Variants in FLRT3 observed in about 807,000 individuals in gnomAD.
FLRT3 encodes fibronectin leucine rich transmembrane protein 3.
FLRT3 carries 17 observed loss-of-function variants against 42.6 expected under a neutral mutation model. The ratio of observed to expected loss-of-function variants is 0.40; its 90% confidence interval spans 0.27 to 0.60. The LOEUF (loss-of-function observed/expected upper bound fraction) is 0.60. Among genes scored for constraint, FLRT3 ranks in the 20% least tolerant of loss-of-function variants. FLRT3 has a pLI of 0.44. For synonymous variants in FLRT3, 279 were observed against 286.4 expected (o/e 0.97, Z 0.26); for missense variants, 635 against 789.2 (o/e 0.80, Z 2.34).
intron 1 of FLRT3, among the ~76,000 whole-genome samples, chr20:14,336,250 TAGAC>T (rs1192307001): frequency 2.6e-5 from 4 of 152,178 alleles, no homozygotes; most frequent in Admixed American, 6.6e-5. Flanking sequence ...GATTTATTAA[TAGAC>T]AGATTTATTA....
intron 1 of FLRT3, among the ~76,000 whole-genome samples, chr20:14,333,749 G>A (rs977001060): frequency 1.3e-5 from 2 of 152,110 alleles, no homozygotes; most frequent in Non-Finnish European, 2.9e-5. Flanking sequence ...ATACTGGTCG[G>A]TGAGACCACC....
At chr20:14,334,935 G>T (rs2082910492) in intron 1 of FLRT3, among the ~76,000 whole-genome samples, 2 of 152,074 alleles carry the variant, frequency 1.3e-5, no homozygotes, top group African/African-American at 4.8e-5. Context: ...AAGAGGCATA[G>T]AAGTTAAGAA....
At chr20:14,328,937 T>C (rs2082784587) in intron 2 of FLRT3, 197 bp downstream of exon 2, 1 of 152,120 alleles carries the variant, frequency 6.6e-6, no homozygotes, top group African/African-American at 2.4e-5. Context: ...GAAATTGCCC[T>C]CTTTGAAATT....
At chr20:14,333,296 G>A (rs541172359) in intron 1 of FLRT3, among the ~76,000 whole-genome samples, 28 of 151,918 alleles carry the variant, frequency 1.8e-4, no homozygotes, top group Admixed American at 3.9e-4. Context: ...TATTTTCCCC[G>A]GTACGTTTCT....
At chr20:14,333,599 G>A (rs1042410645) in intron 1 of FLRT3, among the ~76,000 whole-genome samples, 9 of 152,130 alleles carry the variant, frequency 5.9e-5, no homozygotes, top group African/African-American at 1.7e-4. Flanking sequence ...GTTAAACCAC[G>A]TTTTACCATT....
rs1363061049 is a variant in FLRT3, at chr20:14,325,499, A to G, written c.*58T>C. 7 of 1,531,882 alleles carry G rather than the reference A, an allele frequency of 4.6e-6. No homozygotes were observed. In the Admixed American group the frequency reaches 1.4e-4, roughly 31 times the overall value. The allele number at this position is 1,531,882 out of a possible 1,614,324, so 94.9% of individuals were successfully genotyped here. A position where few individuals can be genotyped will look rare whatever the true frequency, so the allele number is the denominator to read the frequency against. Reference sequence around the variant, plus strand: ...TTTGCAGTAGAACAGGGTTCCTACCATCACCTCCCTTAGGTTTAAAAAACC... The same window carrying G: ...TTTGCAGTAGAACAGGGTTCCTACCGTCACCTCCCTTAGGTTTAAAAAACC... On this transcript the variant is annotated 3_prime_UTR_variant, in exon 3 of 3. Transcript: ENST00000341420.
At chr20:14,335,177 C>T (rs571544180) in intron 1 of FLRT3, among the ~76,000 whole-genome samples, 5 of 152,176 alleles carry the variant, frequency 3.3e-5, no homozygotes, top group Non-Finnish European at 5.9e-5. Context: ...AAAAATCTCT[C>T]TGCAGTGCAC....
chr20:14,325,550 T>C lies in FLRT3; in HGVS notation c.*7A>G, dbSNP rs920468986. ...CAAAACACAAGTCTGCTGTGAGTCCTTCAGCATCATGAGTGTGAGTGATCT... is the reference window on the plus strand; with the variant it reads ...CAAAACACAAGTCTGCTGTGAGTCCCTCAGCATCATGAGTGTGAGTGATCT... On this transcript the variant is annotated 3_prime_UTR_variant, in exon 3 of 3. Coordinates refer to ENST00000341420, the MANE Select transcript of FLRT3 (RefSeq NM_198391.3). 4 of 1,602,532 alleles carry C rather than the reference T, an allele frequency of 2.5e-6. No homozygotes were observed. Among genetic ancestry groups the C allele is most frequent in the Middle Eastern group, 1.7e-4 (1 of 5,986 alleles).
At position 14,324,496 on chromosome 20, in the gene FLRT3, C is replaced by T. The variant is rs753521569; in HGVS notation, c.*1061G>A. ...ACAGTGTTAAAACCTTTGACATAAACCAGATCTAAATTTGATGTCTAGTAT... is the reference window on the plus strand; with the variant it reads ...ACAGTGTTAAAACCTTTGACATAAATCAGATCTAAATTTGATGTCTAGTAT... On this transcript the variant is annotated 3_prime_UTR_variant, in exon 3 of 3. Coordinates refer to ENST00000341420, the MANE Select transcript of FLRT3 (RefSeq NM_198391.3). 6 of 152,454 alleles carry T rather than the reference C, an allele frequency of 3.9e-5. No individual in the cohort carries two copies. The highest frequency in any genetic ancestry group is 8.8e-5 in the Non-Finnish European group (6 of 67,988). 9.4% of individuals were successfully genotyped at this position (152,454 alleles called of 1,614,324 possible).
chr20:14,325,767 A>T lies in FLRT3; in HGVS notation c.1740T>A (p.Thr580=). Reference sequence around the variant, plus strand: ...TTTCCAGGATAGAGTTGTCCTTCTTAGTGCCAGCTTCTGCATAGTCATCCT... The same window carrying T: ...TTTCCAGGATAGAGTTGTCCTTCTTTGTGCCAGCTTCTGCATAGTCATCCT... ...RRKDDYAEAG[T]KKDNSILEIR... is the part of the protein sequence containing the mutation. Residue 580 remains threonine (T), a synonymous_variant, in exon 3 of 3, where the codon ACT becomes ACA. Coordinates refer to ENST00000341420, the MANE Select transcript of FLRT3 (RefSeq NM_198391.3). 6.2e-7 allele frequency: 1 copy of T among 1,613,910 alleles called. No individual in the cohort carries two copies. Among genetic ancestry groups the T allele is most frequent in the Non-Finnish European group, 8.5e-7 (1 of 1,179,874 alleles).
intron 1 of FLRT3, among the ~76,000 whole-genome samples, chr20:14,336,238 C>G (rs1195578857): frequency 6.6e-6 from 1 of 151,758 alleles, no homozygotes; most frequent in African/African-American, 2.4e-5. Flanking sequence ...GCATTTTAGA[C>G]AGATTTATTA....
At chr20:14,336,413 C>T (rs1018185693) in intron 1 of FLRT3, among the ~76,000 whole-genome samples, 2 of 152,022 alleles carry the variant, frequency 1.3e-5, no homozygotes, top group African/African-American at 4.8e-5. Flanking sequence ...GGGCCTGTTG[C>T]ACTCTTTACC....
intron 1 of FLRT3, among the ~76,000 whole-genome samples, chr20:14,336,851 C>G (rs569240391): frequency 2.0e-5 from 3 of 152,282 alleles, no homozygotes; most frequent in Admixed American, 6.5e-5. Context: ...AGCTCAGGCA[C>G]GATAGCAGTG....
chr20:14,334,321 ATTTTC>A (rs1293913457), intron 1 of FLRT3, among the ~76,000 whole-genome samples: 3 of 152,188 alleles, frequency 2.0e-5, no homozygotes, highest in East Asian at 1.9e-4. Flanking sequence ...GTGTATACCT[ATTTTC>A]TTAAGAGGAA....
intron 1 of FLRT3, among the ~76,000 whole-genome samples, 176 bp from the exon 2 acceptor site, chr20:14,329,503 A>G (rs1347390525): frequency 6.6e-6 from 1 of 152,072 alleles, no homozygotes; most frequent in East Asian, 1.9e-4. Flanking sequence ...TATACAAATA[A>G]AGTAGGAGCC....
intron 1 of FLRT3, among the ~76,000 whole-genome samples, chr20:14,330,716 C>G (rs1256990664): frequency 6.6e-6 from 1 of 152,054 alleles, no homozygotes; most frequent in African/African-American, 2.4e-5. Context: ...AAAGTGCCCA[C>G]AGAGGAAAGT....
At chr20:14,332,515 T>A (rs965788230) in intron 1 of FLRT3, among the ~76,000 whole-genome samples, 10 of 152,158 alleles carry the variant, frequency 6.6e-5, no homozygotes, top group African/African-American at 2.2e-4. Context: ...ACTTCTTATT[T>A]AATGCCTTAG....
In FLRT3 at chr20:14,337,205, G is replaced by T. The variant is rs190306915; in HGVS notation, c.-247+199C>A. ...TACTATCTTTTATAAATGAAAGAAG[G>T]TTCTAAGAAACTTCTTACATTCAGC... On this transcript the variant is annotated intron_variant, in intron 1 of 2. Coordinates refer to ENST00000341420, the MANE Select transcript of FLRT3 (RefSeq NM_198391.3). Among the ~76,000 whole-genome samples, 68 of 152,242 alleles carry T rather than the reference G, an allele frequency of 4.5e-4. 1 individual carries two copies. In the East Asian group the frequency reaches 9.1e-3, roughly 20 times the overall value.
At chr20:14,333,841 A>G (rs2122626854) in intron 1 of FLRT3, among the ~76,000 whole-genome samples, 1 of 152,342 alleles carries the variant, frequency 6.6e-6, no homozygotes, top group East Asian at 1.9e-4. Context: ...TCAACAACAC[A>G]TAAACTGATC....
Sources: allele counts gnomAD v4.1 joint callset (sites outside exome capture counted in the v4.1 genomes callset), GRCh38; gene constraint gnomAD v4.1.1; transcripts MANE v1.5; gene names NCBI Gene and HGNC (gene_info 2026-07-23, HGNC 2026-07-21).